Variants in AAMP observed in about 807,000 individuals in gnomAD.
AAMP encodes angio associated migratory cell protein, also known as angio-associated migratory cell protein.
Under a neutral mutation model 51.1 loss-of-function variants are expected in AAMP, and 12 were observed. The observed-to-expected ratio is 0.23, with a 90% CI of 0.15 to 0.38. The LOEUF (loss-of-function observed/expected upper bound fraction) is 0.38. Ranked by LOEUF, AAMP falls within the 10% of genes least tolerant of loss-of-function variation. The pLI is 1.00. For missense variants in AAMP, 418 were observed against 557.2 expected (o/e 0.75, Z 2.52); for synonymous variants, 210 against 218.7 (o/e 0.96, Z 0.35).
chr2:218,265,999 C>T lies in AAMP; in HGVS notation c.764-53G>A. The T allele has an allele frequency of 6.2e-7, 1 of 1,608,394 alleles. No homozygotes were observed. Among genetic ancestry groups the T allele is most frequent in the East Asian group, 2.2e-5 (1 of 44,842 alleles). ...GCTTCGTCCTACCTCCCCTCTGAGT[C>T]CTGCCCCAGGTTCTCAGCCCCTCCC... On this transcript the variant is annotated intron_variant, in intron 6 of 10. Transcript: ENST00000248450. The surrounding 1 kb of genome is among the most constrained non-coding windows in gnomAD (Gnocchi z 6.6).
At chr2:218,269,826 G>C (rs1266523438) in intron 1 of AAMP, 140 bp downstream of exon 1, 1 of 1,347,582 alleles carries the variant, frequency 7.4e-7, no homozygotes, top group African/African-American at 1.4e-5. Context: ...CTAAGTGTGA[G>C]GGTGGGAGTG....
chr2:218,269,044 G>T lies in AAMP; in HGVS notation c.274+338C>A, dbSNP rs186852028. On this transcript the variant is annotated intron_variant, in intron 2 of 10. Coordinates refer to ENST00000248450, the MANE Select transcript of AAMP (RefSeq NM_001087.5). ...GACTGGGTTTTGCCATGTTGGCCAGGCTGGTCTCGAACTCCTGACCTCAAG... is the reference window on the plus strand; with the variant it reads ...GACTGGGTTTTGCCATGTTGGCCAGTCTGGTCTCGAACTCCTGACCTCAAG... 5.2e-3 allele frequency among the ~76,000 whole-genome samples: 796 copies of T among 152,242 alleles called. 9 individuals are homozygous for T. Among genetic ancestry groups the T allele is most frequent in the African/African-American group, 0.017 (713 of 41,536 alleles).
chr2:218,264,527 C>A lies in AAMP; in HGVS notation c.*6G>T, dbSNP rs1559491766. 9 of 1,613,694 alleles carry A rather than the reference C, an allele frequency of 5.6e-6. No homozygotes were observed. Among genetic ancestry groups the A allele is most frequent in the Non-Finnish European group, 7.6e-6 (9 of 1,179,704 alleles). Reference sequence around the variant, plus strand: ...ACACCAGACACACAGGCAGGGGCTGCAGCCATTAACGGTCAGGCCTTTGGA... The same window carrying A: ...ACACCAGACACACAGGCAGGGGCTGAAGCCATTAACGGTCAGGCCTTTGGA... On this transcript the variant is annotated 3_prime_UTR_variant, in exon 11 of 11. Coordinates refer to ENST00000248450, the MANE Select transcript of AAMP (RefSeq NM_001087.5).
In AAMP at chr2:218,265,791, G is replaced by C. The variant is rs1079204; in HGVS notation, c.879+40C>G. 3 of 1,589,870 alleles carry C rather than the reference G, an allele frequency of 1.9e-6. No homozygotes were observed. Among genetic ancestry groups the C allele is most frequent in the Middle Eastern group, 1.7e-4 (1 of 6,014 alleles). On this transcript the variant is annotated intron_variant, in intron 7 of 10. Coordinates refer to ENST00000248450, the MANE Select transcript of AAMP (RefSeq NM_001087.5). This position sits in a 1 kb window ranked among gnomAD's most constrained non-coding sequence, Gnocchi z 6.6. Reference sequence around the variant, plus strand: ...GACCCAGGAAGGAAGGAGAGGAGTCGGGAAAGCGGAGGCCCCAGCCGGGCT... The same window carrying C: ...GACCCAGGAAGGAAGGAGAGGAGTCCGGAAAGCGGAGGCCCCAGCCGGGCT...
At position 218,266,449 on chromosome 2, in the gene AAMP, G is replaced by C; in HGVS notation, c.673C>G (p.Pro225Ala). The change falls in exon 5 of 11, where the codon CCT becomes GCT. Residue 225 changes from proline to alanine, a missense_variant. Pro to Ala is a conservative substitution (Grantham distance 27). Coordinates refer to ENST00000248450, the MANE Select transcript of AAMP (RefSeq NM_001087.5). The surrounding 1 kb of genome is among the most constrained non-coding windows in gnomAD (Gnocchi z 4.7). The part of the protein sequence containing the change: ...NCPATCGRVL[P>A]DGKRAVVGYE... ...TCAAGGGAGGTGCTCTCACCATCAG[G>C]GAGGACTCGGCCACAGGTGGCTGGG... 1 of 1,613,926 alleles carries C rather than the reference G, an allele frequency of 6.2e-7. No homozygotes were observed. The highest frequency in any genetic ancestry group is 8.5e-7 in the Non-Finnish European group (1 of 1,179,874).
intron 1 of AAMP, 83 bp downstream of exon 1, chr2:218,269,883 T>C: frequency 2.5e-6 from 4 of 1,585,326 alleles, no homozygotes; most frequent in Non-Finnish European, 3.4e-6. Context: ...CAGTCGGGTG[T>C]GGAGGGGAGC....
chr2:218,266,544 G>C lies in AAMP; in HGVS notation c.578C>G (p.Thr193Arg). 6.2e-7 allele frequency: 1 copy of C among 1,613,620 alleles called. No homozygotes were observed. The highest frequency in any genetic ancestry group is 2.2e-5 in the East Asian group (1 of 44,880). Reference sequence around the variant, plus strand: ...CCACATCCAGGTGTTGCCGTCAGCTGTGCCCGCCAACAGGACAGGTGCCCG... The same window carrying C: ...CCACATCCAGGTGTTGCCGTCAGCTCTGCCCGCCAACAGGACAGGTGCCCG... ...HPRAPVLLAG[T>R]ADGNTWMWKV... Residue 193 changes from threonine (T) to arginine (R), a missense_variant, in exon 5 of 11, where the codon ACA (threonine) becomes AGA (arginine). Physicochemically the swap from Thr to Arg is moderately conservative, Grantham distance 71. Transcript: ENST00000248450. This position sits in a 1 kb window ranked among gnomAD's most constrained non-coding sequence, Gnocchi z 4.7.
intron 2 of AAMP, 90 bp downstream of exon 2, chr2:218,269,292 G>A: frequency 6.5e-7 from 1 of 1,533,662 alleles, no homozygotes; most frequent in Non-Finnish European, 9.0e-7. Context: ...GCCCATCTCT[G>A]TGTCCCCCAT....
intron 1 of AAMP, 185 bp from the exon 2 acceptor site, chr2:218,269,719 C>T: frequency 1.8e-6 from 2 of 1,124,572 alleles, no homozygotes; most frequent in Non-Finnish European, 2.5e-6. Flanking sequence ...AGAGACCGTG[C>T]GGTAAGGGAG....
rs1328431264 is a variant in AAMP at position 218,267,239 on chromosome 2, A to G, written c.395-253T>C. The G allele has an allele frequency of 6.0e-6, 4 of 661,292 alleles. No individual in the cohort carries two copies. The African/African-American group carries it at 7.3e-5, about 12-fold the overall frequency. The allele number at this position is 661,292 out of a possible 1,614,324, so 41.0% of individuals were successfully genotyped here. ...ATGCCTTCCCCCTTCTGTCCACTCT[A>G]CACCTCTGCCCGCCTGCTCCTATAC... On this transcript the variant is annotated intron_variant, in intron 3 of 10. Transcript: ENST00000248450. The surrounding 1 kb of genome is among the most constrained non-coding windows in gnomAD (Gnocchi z 4.6).
chr2:218,268,883 G>A (rs1191102590), intron 2 of AAMP, among the ~76,000 whole-genome samples: 2 of 151,950 alleles, frequency 1.3e-5, no homozygotes, highest in Non-Finnish European at 2.9e-5. Context: ...ATTTTTAGTA[G>A]AGACGGGGTT....
At position 218,265,969 on chromosome 2, in the gene AAMP, C is replaced by G. The variant is rs373495902; in HGVS notation, c.764-23G>C. 6.8e-6 allele frequency: 11 copies of G among 1,610,372 alleles called. No individual in the cohort carries two copies. The South Asian group carries it at 1.2e-4, about 18-fold the overall frequency. ...TCCCTAGCATAGAGCAGGGAGGCAGCTCAGGCTTCGTCCTACCTCCCCTCT... is the reference window on the plus strand; with the variant it reads ...TCCCTAGCATAGAGCAGGGAGGCAGGTCAGGCTTCGTCCTACCTCCCCTCT... On this transcript the variant is annotated intron_variant, in intron 6 of 10. Transcript: ENST00000248450. This position sits in a 1 kb window ranked among gnomAD's most constrained non-coding sequence, Gnocchi z 6.6.
chr2:218,269,681 G>A (rs1467778678), intron 1 of AAMP, 147 bp from the exon 2 acceptor site: 1 of 1,379,008 alleles, frequency 7.3e-7, no homozygotes, highest in Non-Finnish European at 1.0e-6. Context: ...GGGCGCGCGG[G>A]ACACAGGACG....
At chr2:218,269,007 A>AT (rs1171280427) in intron 2 of AAMP, among the ~76,000 whole-genome samples, 1 of 151,534 alleles carries the variant, frequency 6.6e-6, no homozygotes, top group Non-Finnish European at 1.5e-5. Flanking sequence ...AAATTTTTGT[A>AT]TTTTTAGTAG....
rs1007357233 is a variant in AAMP at position 218,267,952 on chromosome 2, G to A, written c.275-339C>T. ...GGGTACAGAGCGAGGAGAGCATCAC[G>A]TTAAGGGTTTTTTGTTTTTTGTTTT... On this transcript the variant is annotated intron_variant, in intron 2 of 10. Coordinates refer to ENST00000248450, the MANE Select transcript of AAMP (RefSeq NM_001087.5). The surrounding 1 kb of genome is among the most constrained non-coding windows in gnomAD (Gnocchi z 4.6). Among the ~76,000 whole-genome samples, 1 of 151,830 alleles carries A rather than the reference G, an allele frequency of 6.6e-6. No homozygotes were observed. The highest frequency in any genetic ancestry group is 1.5e-5 in the Non-Finnish European group (1 of 67,994).
rs777174790 is a variant in AAMP, at chr2:218,266,006, C to T, written c.763+58G>A. On this transcript the variant is annotated intron_variant, in intron 6 of 10. Transcript: ENST00000248450. The surrounding 1 kb of genome is among the most constrained non-coding windows in gnomAD (Gnocchi z 4.7). ...CCTACCTCCCCTCTGAGTCCTGCCC[C>T]AGGTTCTCAGCCCCTCCCTACAAAG... 3.1e-6 allele frequency: 5 copies of T among 1,608,324 alleles called. No individual in the cohort carries two copies. Among genetic ancestry groups the T allele is most frequent in the Non-Finnish European group, 4.3e-6 (5 of 1,174,886 alleles).
chr2:218,265,300 C>A lies in AAMP; in HGVS notation c.1074+71G>T, dbSNP rs1489769317. 1 of 1,537,878 alleles carries A rather than the reference C, an allele frequency of 6.5e-7. No homozygotes were observed. The highest frequency in any genetic ancestry group is 8.8e-7 in the Non-Finnish European group (1 of 1,133,318). Reference sequence around the variant, plus strand: ...GCAGGAGCCAGATCTGGGGTAGATGCTCCTGGAGGCCTGGGCTTCCCCACC... The same window carrying A: ...GCAGGAGCCAGATCTGGGGTAGATGATCCTGGAGGCCTGGGCTTCCCCACC... On this transcript the variant is annotated intron_variant, in intron 9 of 10. Coordinates refer to ENST00000248450, the MANE Select transcript of AAMP (RefSeq NM_001087.5). This position sits in a 1 kb window ranked among gnomAD's most constrained non-coding sequence, Gnocchi z 6.6.
chr2:218,264,740 C>T, intron 10 of AAMP, 132 bp from the exon 11 acceptor site: 1 of 873,632 alleles, frequency 1.1e-6, no homozygotes, highest in Non-Finnish European at 1.8e-6. Flanking sequence ...GACATCTCTG[C>T]AGCCAGCATG....
intron 1 of AAMP, 84 bp downstream of exon 1, chr2:218,269,882 G>A: frequency 6.3e-7 from 1 of 1,585,430 alleles, no homozygotes; most frequent in Non-Finnish European, 8.6e-7. Flanking sequence ...CCAGTCGGGT[G>A]TGGAGGGGAG....
Sources: allele counts gnomAD v4.1 joint callset (sites outside exome capture counted in the v4.1 genomes callset), GRCh38; gene constraint gnomAD v4.1.1; non-coding constraint Gnocchi (gnomAD v3.1); transcripts MANE v1.5; gene names NCBI Gene and HGNC (gene_info 2026-07-23, HGNC 2026-07-21).